Variants in ERI1 observed in about 807,000 individuals in gnomAD.
The protein encoded by ERI1 is exoribonuclease 1, also known as 3'-5' exoribonuclease 1.
Under a neutral mutation model 39.7 loss-of-function variants are expected in ERI1, and 39 were observed. The observed-to-expected ratio is 0.98, with a 90% CI of 0.76 to 1.28. The LOEUF (loss-of-function observed/expected upper bound fraction) is 1.28, where lower values mean the gene tolerates loss of function less well. Ranked by LOEUF, ERI1 falls within the 50% of genes most tolerant of loss-of-function variation. The probability of loss-of-function intolerance (pLI) is 0.00; values close to 1 mark genes in which losing one functional copy is unlikely to be tolerated. For missense variants in ERI1, 581 were observed against 416.9 expected (o/e 1.39, Z -3.43); for synonymous variants, 204 against 149.6 (o/e 1.36, Z -2.65).
At chr8:9,010,830 G>C (rs1018549955) in intron 2 of ERI1, among the ~76,000 whole-genome samples, 1 of 152,072 alleles carries the variant, frequency 6.6e-6, no homozygotes, top group Non-Finnish European at 1.5e-5. Flanking sequence ...TACTCCATTT[G>C]TGGAATGTAT....
At chr8:9,009,295 A>G (rs931787735) in intron 2 of ERI1, among the ~76,000 whole-genome samples, 1 of 152,156 alleles carries the variant, frequency 6.6e-6, no homozygotes, top group Non-Finnish European at 1.5e-5. Flanking sequence ...AGAGTGGCCA[A>G]TGCTATATTG....
chr8:9,057,812 C>T (rs1798558344), intron 3 of ERI1, among the ~76,000 whole-genome samples: 1 of 152,078 alleles, frequency 6.6e-6, no homozygotes, highest in African/African-American at 2.4e-5. Flanking sequence ...AGGACAGAGC[C>T]CAGCAAGGAG....
intron 3 of ERI1, among the ~76,000 whole-genome samples, chr8:9,077,955 G>T (rs2117443816): frequency 6.6e-6 from 1 of 152,204 alleles, no homozygotes; most frequent in South Asian, 2.1e-4. Context: ...ATACTCTCAT[G>T]GTCTTGGTGA....
At chr8:9,042,111 G>A (rs7828944) in intron 3 of ERI1, among the ~76,000 whole-genome samples, 44,126 of 152,008 alleles carry the variant, frequency 0.29, 6,955 homozygotes, top group African/African-American at 0.38. Context: ...CCCACCTGGG[G>A]GAAAGAAATT....
rs965137093 is a variant in ERI1, at chr8:9,098,209, C to A, written n.300-18139C>A. Among the ~76,000 whole-genome samples, 9 of 152,170 alleles carry A rather than the reference C, an allele frequency of 5.9e-5. No individual in the cohort carries two copies. The East Asian group carries it at 1.7e-3, about 29-fold the overall frequency. On this transcript the variant is annotated intron_variant and non_coding_transcript_variant, in intron 3 of 3. Coordinates refer to the ERI1 transcript ENST00000518663. ...GACCAGCCTGGCAAAAATGGTGAAA[C>A]CCTGTCTCTACTAAAAATACAAATA...
intron 3 of ERI1, among the ~76,000 whole-genome samples, chr8:9,042,096 C>T (rs1358791987): frequency 3.3e-5 from 5 of 152,148 alleles, no homozygotes; most frequent in Non-Finnish European, 7.3e-5. Flanking sequence ...CAAGAACAAA[C>T]CAAACCCACC....
At chr8:9,036,599 C>G (rs898099566), downstream of ERI1, among the ~76,000 whole-genome samples, 7 of 152,148 alleles carry the variant, frequency 4.6e-5, no homozygotes, top group African/African-American at 1.7e-4. Context: ...TTGTGATACT[C>G]CCTTTATTGC....
At chr8:9,028,290 A>G (rs1236844488) in intron 6 of ERI1, among the ~76,000 whole-genome samples, 2 of 152,178 alleles carry the variant, frequency 1.3e-5, no homozygotes. Flanking sequence ...TTTGTAATTC[A>G]ATTATTGTTA....
At chr8:9,006,721 G>C (rs528807731) in intron 1 of ERI1, among the ~76,000 whole-genome samples, 172 of 152,198 alleles carry the variant, frequency 1.1e-3, no homozygotes, top group African/African-American at 3.9e-3. Flanking sequence ...CAGTGTGGCT[G>C]TTCTTTAATT....
chr8:9,084,144 C>A (rs1172016717), intron 3 of ERI1, among the ~76,000 whole-genome samples: 2 of 151,966 alleles, frequency 1.3e-5, no homozygotes, highest in African/African-American at 2.4e-5. Context: ...CACCTGTAGT[C>A]CCAGCTACTT....
At position 9,029,810 on chromosome 8, in the gene ERI1, A is replaced by C; in HGVS notation, c.826A>C (p.Lys276Gln). The stretch of plus-strand genomic sequence containing the variant: ...TTTTCAGGTTCCTAGAAGCCAAACC[A>C]AACTGACAATAATGCTTGAAAAATT... Reference protein sequence around the residue: ...NFYKVPRSQTKLTIMLEKLGM... With the variant: ...NFYKVPRSQTQLTIMLEKLGM... The change falls in exon 7 of 7, where the codon AAA (lysine) becomes CAA (glutamine). Residue 276 changes from lysine to glutamine, a missense_variant. Lys to Gln is a moderately conservative substitution (Grantham distance 53). Coordinates refer to ENST00000250263, the MANE Select transcript of ERI1 (RefSeq NM_153332.4). 6.2e-7 allele frequency: 1 copy of C among 1,614,238 alleles called. No individual in the cohort carries two copies. The highest frequency in any genetic ancestry group is 8.5e-7 in the Non-Finnish European group (1 of 1,180,036).
At chr8:9,035,295 A>G (rs1797807079), downstream of ERI1, among the ~76,000 whole-genome samples, 1 of 152,242 alleles carries the variant, frequency 6.6e-6, no homozygotes, top group African/African-American at 2.4e-5. Context: ...CGAAGAAGAT[A>G]ACATCTAGGA....
chr8:9,089,271 T>C (rs1001810247), intron 3 of ERI1, among the ~76,000 whole-genome samples: 2 of 152,222 alleles, frequency 1.3e-5, no homozygotes, highest in African/African-American at 4.8e-5. Context: ...TATTTAATTT[T>C]AAAAATATTT....
chr8:9,063,266 G>C (rs192773712), intron 3 of ERI1, among the ~76,000 whole-genome samples: 2 of 152,266 alleles, frequency 1.3e-5, no homozygotes, highest in Non-Finnish European at 1.5e-5. Flanking sequence ...AACTGGGCTG[G>C]GTTTTTTATA....
At chr8:9,061,585 C>G (rs1361297855) in intron 3 of ERI1, among the ~76,000 whole-genome samples, 1 of 152,228 alleles carries the variant, frequency 6.6e-6, no homozygotes, top group African/African-American at 2.4e-5. Flanking sequence ...GACAGAAAGG[C>G]TACACAGTGC....
chr8:9,050,991 TTAA>T (rs577609436), intron 3 of ERI1, among the ~76,000 whole-genome samples: 52 of 152,258 alleles, frequency 3.4e-4, no homozygotes, highest in African/African-American at 1.2e-3. Flanking sequence ...GATCCTGAAC[TTAA>T]TGATCTTTGG....
intron 3 of ERI1, among the ~76,000 whole-genome samples, chr8:9,014,650 G>C (rs1817037232): frequency 6.6e-6 from 1 of 152,114 alleles, no homozygotes; most frequent in South Asian, 2.1e-4. Context: ...CTGTTATTTA[G>C]TACTACCGAA....
intron 3 of ERI1, chr8:9,062,744 C>G (rs1798746167): frequency 6.6e-6 from 1 of 151,464 alleles, no homozygotes; most frequent in Admixed American, 6.6e-5. Context: ...AGTCAGAGAG[C>G]CTTGGGCCAG....
At chr8:9,016,596 C>T (rs1465493237) in intron 4 of ERI1, among the ~76,000 whole-genome samples, 191 bp downstream of exon 4, 1 of 151,216 alleles carries the variant, frequency 6.6e-6, no homozygotes, top group Non-Finnish European at 1.5e-5. Context: ...TTTTCCTCAG[C>T]CTTTCCTCTT....
Sources: gnomAD v4.1 joint callset for allele counts (sites outside exome capture counted in the v4.1 genomes callset) on GRCh38, gnomAD v4.1.1 for gene constraint, MANE v1.5 for transcripts, NCBI Gene and HGNC (gene_info 2026-07-23, HGNC 2026-07-21) for gene names.